Variants in EPB41 observed in about 807,000 individuals in gnomAD.
The protein encoded by EPB41 is erythrocyte membrane protein band 4.1.
A neutral mutation model predicts 108.0 loss-of-function variants in EPB41; 65 were observed. The ratio of observed to expected loss-of-function variants is 0.60; its 90% CI spans 0.49 to 0.74. The LOEUF is 0.74. Ranked by LOEUF, EPB41 falls within the 30% of genes least tolerant of loss-of-function variation. The pLI, the probability that EPB41 is intolerant of heterozygous loss-of-function variation, is 0.00. For synonymous variants in EPB41, 336 were observed against 358.9 expected, an observed-to-expected ratio of 0.94 and a Z score of 0.72; for missense variants, 875 against 1,037.0, an observed-to-expected ratio of 0.84 and a Z score of 2.15.
intron 7 of EPB41, among the ~76,000 whole-genome samples, chr1:29,025,119 A>G (rs374639831): frequency 2.6e-5 from 4 of 152,050 alleles, no homozygotes; most frequent in East Asian, 3.8e-4. Flanking sequence ...TAAAGCTATA[A>G]TTAACACTTT....
rs56337991 is a variant in EPB41 at position 28,929,843 on chromosome 1, CTTTTTTTTTT to C, written c.-8+15090_-8+15099del. Among the ~76,000 whole-genome samples the C allele has an allele frequency of 4.9e-3, 495 of 101,890 alleles. 13 individuals are homozygous for C. In the East Asian group the frequency reaches 0.085, roughly 18 times the overall value. 66.8% of individuals were successfully genotyped at this position (101,890 alleles called of 152,430 possible). ...GCCACCGCGCCTGGCACTGGGCCTT[CTTTTTTTTTT>C]TTTTTTTTTTTTTTAAAGACTTTAT... is the stretch of plus-strand genomic sequence containing the variant. On this transcript the variant is annotated intron_variant, in intron 1 of 20. Coordinates refer to ENST00000343067, the MANE Select transcript of EPB41 (RefSeq NM_001376013.1).
intron 11 of EPB41, among the ~76,000 whole-genome samples, chr1:29,046,934 AAG>A (rs1484924581): frequency 1.3e-5 from 2 of 152,084 alleles, no homozygotes; most frequent in African/African-American, 4.8e-5. Context: ...CTATTTTCAT[AAG>A]AGAGATAGGC....
intron 1 of EPB41, among the ~76,000 whole-genome samples, chr1:28,962,452 C>T (rs1184503748): frequency 6.6e-6 from 1 of 152,196 alleles, no homozygotes; most frequent in South Asian, 2.1e-4. Context: ...ACACTGTACA[C>T]TAAAATGTGT....
intron 12 of EPB41, chr1:29,054,222 A>C: frequency 6.6e-6 from 1 of 152,202 alleles, no homozygotes; most frequent in East Asian, 1.9e-4. Context: ...TTTCCTAGAC[A>C]GTGACTAGAC....
At chr1:28,960,001 C>CTTTT (rs776338332) in intron 1 of EPB41, among the ~76,000 whole-genome samples, 1 of 128,250 alleles carries the variant, frequency 7.8e-6, no homozygotes, top group Non-Finnish European at 1.7e-5. Flanking sequence ...TTTTTCTTTT[C>CTTTT]TTTTTTTTTT....
rs181992936 is a variant in EPB41 at position 29,026,368 on chromosome 1, A to G, written c.1125-4032A>G. ...CTTCAATGTGAACTTGTGGTTTCCA[A>G]TATATAGATAGGTAGATATAGAAAT... On this transcript the variant is annotated intron_variant, in intron 7 of 20. Coordinates refer to ENST00000343067, the MANE Select transcript of EPB41 (RefSeq NM_001376013.1). Among the ~76,000 whole-genome samples the G allele has an allele frequency of 2.6e-4, 39 of 152,274 alleles. No individual in the cohort carries two copies. The East Asian group carries it at 7.0e-3, about 27-fold the overall frequency.
intron 2 of EPB41, among the ~76,000 whole-genome samples, chr1:28,992,564 C>A (rs753953228): frequency 2.0e-5 from 3 of 152,142 alleles, no homozygotes; most frequent in African/African-American, 7.2e-5. Context: ...TGGCGGGCGC[C>A]TGTAGTCCCA....
intron 15 of EPB41, among the ~76,000 whole-genome samples, chr1:29,061,197 G>A (rs929964437): frequency 1.3e-5 from 2 of 152,146 alleles, no homozygotes; most frequent in African/African-American, 4.8e-5. Flanking sequence ...GCAACATGCT[G>A]TCTGCTATAG....
At chr1:28,955,560 G>T (rs2094913490) in intron 1 of EPB41, among the ~76,000 whole-genome samples, 1 of 152,070 alleles carries the variant, frequency 6.6e-6, no homozygotes, top group Non-Finnish European at 1.5e-5. Context: ...GGTCAGGATG[G>T]TCTTGATCTC....
intron 16 of EPB41, among the ~76,000 whole-genome samples, chr1:29,066,159 G>A (rs1192765486): frequency 6.6e-6 from 1 of 151,910 alleles, no homozygotes; most frequent in African/African-American, 2.4e-5. Flanking sequence ...GGTGGCTCAC[G>A]CCTGTAATCC....
chr1:28,989,477 G>A (rs1173519066), intron 2 of EPB41: 1 of 764,254 alleles, frequency 1.3e-6, no homozygotes, highest in African/African-American at 1.9e-5. Flanking sequence ...GGGGAAAAAA[G>A]TAAAAGTCCT....
At chr1:29,015,328 C>T (rs1409117102) in intron 5 of EPB41, among the ~76,000 whole-genome samples, 1 of 151,946 alleles carries the variant, frequency 6.6e-6, no homozygotes, top group South Asian at 2.1e-4. Flanking sequence ...GAGGCCGAGG[C>T]GGGTGGATCG....
rs772457122 is a variant in EPB41 at position 29,058,573 on chromosome 1, T to C, written c.1846-16T>C. On this transcript the variant is annotated splice_polypyrimidine_tract_variant and intron_variant, in intron 12 of 20. Transcript: ENST00000343067. ...TAACCTAAAATGTTTTTACTACTTTTATTTCTTAAATGTAGGTGGAAAAAA... is the reference window on the plus strand; with the variant it reads ...TAACCTAAAATGTTTTTACTACTTTCATTTCTTAAATGTAGGTGGAAAAAA... 11 of 1,610,954 alleles carry C rather than the reference T, an allele frequency of 6.8e-6. No homozygotes were observed. The African/African-American group carries it at 1.2e-4, about 18-fold the overall frequency.
intron 15 of EPB41, among the ~76,000 whole-genome samples, chr1:29,062,927 A>T (rs991993779): frequency 6.6e-6 from 1 of 152,204 alleles, no homozygotes; most frequent in Admixed American, 6.5e-5. Flanking sequence ...TTACCAAAAC[A>T]TTTATTTTCC....
chr1:28,908,354 A>G (rs138098707), intron 1 of EPB41, among the ~76,000 whole-genome samples: 3,744 of 150,042 alleles, frequency 0.025, 164 homozygotes, highest in African/African-American at 0.086. Context: ...GCAAGCCGAG[A>G]TTGTGCCACT....
In EPB41 at chr1:29,030,305, T is replaced by C. The variant is rs553570650; in HGVS notation, c.1125-95T>C. The C allele has an allele frequency of 3.1e-6, 3 of 955,868 alleles. No homozygotes were observed. In the South Asian group the frequency reaches 4.0e-5, roughly 13 times the overall value. 59.2% of individuals were successfully genotyped at this position (955,868 alleles called of 1,614,324 possible). Reference sequence around the variant, plus strand: ...ATATCTTAATATAGTGGTATGTATATGTTCATGTGTTTAAAATACAGTGAA... The same window carrying C: ...ATATCTTAATATAGTGGTATGTATACGTTCATGTGTTTAAAATACAGTGAA... On this transcript the variant is annotated intron_variant, in intron 7 of 20. Coordinates refer to ENST00000343067, the MANE Select transcript of EPB41 (RefSeq NM_001376013.1).
At chr1:29,001,943 G>A (rs540519749) in intron 4 of EPB41, among the ~76,000 whole-genome samples, 2 of 152,158 alleles carry the variant, frequency 1.3e-5, no homozygotes, top group African/African-American at 2.4e-5. Flanking sequence ...TGGGCTGAAT[G>A]TGGTAGGCAT....
chr1:29,008,014 T>C (rs2096436377), intron 4 of EPB41, among the ~76,000 whole-genome samples: 1 of 152,240 alleles, frequency 6.6e-6, no homozygotes. Context: ...TTTAAACATA[T>C]ACCTATTTAA....
At chr1:28,929,976 C>T (rs2093658179) in intron 1 of EPB41, among the ~76,000 whole-genome samples, 1 of 148,264 alleles carries the variant, frequency 6.7e-6, no homozygotes, top group South Asian at 2.1e-4. Flanking sequence ...TCATCTCAAT[C>T]TAATTTTTGA....
Sources: allele counts gnomAD v4.1 joint callset (sites outside exome capture counted in the v4.1 genomes callset), GRCh38; gene constraint gnomAD v4.1.1; transcripts MANE v1.5; gene names NCBI Gene and HGNC (gene_info 2026-07-23, HGNC 2026-07-21).